Variants in TMEM267 observed in about 807,000 individuals in gnomAD.
The protein encoded by TMEM267 is transmembrane protein 267.
A neutral mutation model predicts 19.3 loss-of-function variants in TMEM267; 20 were observed. That is an observed-to-expected ratio of 1.04 (90% CI 0.73 to 1.51). The LOEUF (loss-of-function observed/expected upper bound fraction) is 1.51. Ranked by LOEUF, TMEM267 falls within the 40% of genes most tolerant of loss-of-function variation. The pLI is 0.00. For synonymous variants in TMEM267, 88 were observed against 90.3 expected (o/e 0.97, Z 0.15); for missense variants, 242 against 261.9 (o/e 0.92, Z 0.52).
At chr5:43,469,508 A>T (rs941285157) in intron 1 of TMEM267, among the ~76,000 whole-genome samples, 6 of 152,254 alleles carry the variant, frequency 3.9e-5, no homozygotes, top group African/African-American at 1.4e-4. Flanking sequence ...AAGGACACAA[A>T]CCATATGATC....
rs192390673 is a variant in TMEM267, at chr5:43,463,771, C to T, written c.-74-9728G>A. 8.7e-4 allele frequency among the ~76,000 whole-genome samples: 133 copies of T among 152,290 alleles called. 1 individual carries two copies. The highest frequency in any genetic ancestry group is 3.1e-3 in the African/African-American group (127 of 41,560). On this transcript the variant is annotated intron_variant, in intron 1 of 2. Transcript: ENST00000397080. ...ATTCAACAACTCTTCATGCTAAAAA[C>T]TCTCAATAAATTAGGTATCGATGGG... is the stretch of plus-strand genomic sequence containing the variant.
Position 43,460,762 on chromosome 5 carries a change from G to A in TMEM267, c.-74-6719C>T, listed in dbSNP as rs545115498. On this transcript the variant is annotated intron_variant, in intron 1 of 2. Transcript: ENST00000397080. Reference sequence around the variant, plus strand: ...AACTCAGTTGATGTCCAGCCACGGAGGGAGCATTTAAATTAGCCCAAGCCA... The same window carrying A: ...AACTCAGTTGATGTCCAGCCACGGAAGGAGCATTTAAATTAGCCCAAGCCA... Among the ~76,000 whole-genome samples, 11 of 152,326 alleles carry A rather than the reference G, an allele frequency of 7.2e-5. No individual in the cohort carries two copies. In the East Asian group the frequency reaches 1.4e-3, roughly 19 times the overall value.
intron 1 of TMEM267, among the ~76,000 whole-genome samples, chr5:43,465,141 G>T (rs1334202915): frequency 2.0e-5 from 3 of 152,160 alleles, no homozygotes; most frequent in African/African-American, 7.2e-5. Context: ...CCAAAAGTGG[G>T]CAAAGGATAT....
chr5:43,474,894 T>C (rs952858099), intron 1 of TMEM267, among the ~76,000 whole-genome samples: 1 of 151,946 alleles, frequency 6.6e-6, no homozygotes, highest in Non-Finnish European at 1.5e-5. Context: ...CTGGAGAGGA[T>C]GTGGAGAAAT....
intron 1 of TMEM267, among the ~76,000 whole-genome samples, chr5:43,464,754 T>A (rs1012940457): frequency 4.6e-5 from 7 of 152,236 alleles, no homozygotes; most frequent in African/African-American, 1.7e-4. Context: ...GCTAGCCATA[T>A]GTAGAAAGCT....
chr5:43,466,183 C>T (rs1418184320), intron 1 of TMEM267, among the ~76,000 whole-genome samples: 1 of 152,128 alleles, frequency 6.6e-6, no homozygotes, highest in East Asian at 1.9e-4. Context: ...CCAAAGAAGA[C>T]TACCTTAAGG....
intron 1 of TMEM267, among the ~76,000 whole-genome samples, chr5:43,475,710 G>A (rs888462443): frequency 2.6e-5 from 4 of 152,084 alleles, no homozygotes; most frequent in Non-Finnish European, 5.9e-5. Flanking sequence ...AGAACCAACA[G>A]AAAACTGTTG....
intron 2 of TMEM267, among the ~76,000 whole-genome samples, chr5:43,451,649 G>A (rs752268835): frequency 6.6e-6 from 1 of 152,128 alleles, no homozygotes; most frequent in Non-Finnish European, 1.5e-5. Context: ...CATTGTTGGT[G>A]GGAATATAAA....
intron 1 of TMEM267, among the ~76,000 whole-genome samples, chr5:43,471,589 A>C (rs1744077899): frequency 6.6e-6 from 1 of 152,180 alleles, no homozygotes; most frequent in Non-Finnish European, 1.5e-5. Flanking sequence ...TGACATAAAA[A>C]CAGACACATC....
intron 1 of TMEM267, among the ~76,000 whole-genome samples, chr5:43,462,561 C>T (rs1743331923): frequency 6.6e-6 from 1 of 152,090 alleles, no homozygotes; most frequent in African/African-American, 2.4e-5. Context: ...ATCCAGAAGT[C>T]TATCAGATAA....
chr5:43,453,548 G>GCTTT, intron 2 of TMEM267, 110 bp downstream of exon 2: 1 of 943,554 alleles, frequency 1.1e-6, no homozygotes, highest in African/African-American at 1.7e-5. Context: ...ACATGAATGT[G>GCTTT]CTTTCCTATT....
At chr5:43,473,492 A>G (rs979503242) in intron 1 of TMEM267, among the ~76,000 whole-genome samples, 1 of 152,196 alleles carries the variant, frequency 6.6e-6, no homozygotes, top group African/African-American at 2.4e-5. Flanking sequence ...ATCATGAGTG[A>G]ACTCCCATTC....
chr5:43,453,754 C>T lies in TMEM267; in HGVS notation c.216G>A (p.Lys72=). The change falls in exon 2 of 3, where the codon AAG becomes AAA. Residue 72 remains lysine (K), a synonymous_variant. Transcript: ENST00000397080. The part of the protein sequence containing the change: ...MWSWAVVTGI[K]KKTDFGEIIL... ...TGATTTCTCCAAAGTCAGTCTTCTT[C>T]TTGATTCCAGTGACTACCGCCCATG... 6.2e-7 allele frequency: 1 copy of T among 1,614,144 alleles called. No individual in the cohort carries two copies. The highest frequency in any genetic ancestry group is 8.5e-7 in the Non-Finnish European group (1 of 1,179,980).
In TMEM267 at chr5:43,446,390, C is replaced by A. The variant is rs1245204006; in HGVS notation, c.480G>T (p.Gly160=). 1 of 1,614,108 alleles carries A rather than the reference C, an allele frequency of 6.2e-7. No homozygotes were observed. The highest frequency in any genetic ancestry group is 2.2e-5 in the East Asian group (1 of 44,874). ...ISWTSHHIRD[G]IRHGLWICPF... is the part of the protein sequence containing the mutation. ...GGCATATCCACAAACCATGACGAAT[C>A]CCATCTCGGATATGATGTGAAGTCC... The change falls in exon 3 of 3, where the codon GGG becomes GGT. Residue 160 remains glycine, a synonymous_variant. Coordinates refer to ENST00000397080, the MANE Select transcript of TMEM267 (RefSeq NM_022483.5).
rs1233835827 is a variant in TMEM267 at position 43,445,931 on chromosome 5, T to A, written c.*291A>T. ...TTCCAGAAAATGAACTGGATGTTAA[T>A]CTAAAAGAACTACTAGTAAAGCCAG... On this transcript the variant is annotated 3_prime_UTR_variant, in exon 3 of 3. Coordinates refer to ENST00000397080, the MANE Select transcript of TMEM267 (RefSeq NM_022483.5). 1 of 170,692 alleles carries A rather than the reference T, an allele frequency of 5.9e-6. No homozygotes were observed. Among genetic ancestry groups the A allele is most frequent in the African/African-American group, 2.4e-5 (1 of 42,152 alleles). 10.6% of individuals were successfully genotyped at this position (170,692 alleles called of 1,614,324 possible).
chr5:43,464,069 C>T (rs1397703365), intron 1 of TMEM267, among the ~76,000 whole-genome samples: 2 of 152,074 alleles, frequency 1.3e-5, no homozygotes, highest in African/African-American at 4.8e-5. Flanking sequence ...TTGTCTCAGC[C>T]CAAAATCTCC....
chr5:43,464,379 C>T (rs1445064384), intron 1 of TMEM267, among the ~76,000 whole-genome samples: 4 of 152,120 alleles, frequency 2.6e-5, no homozygotes, highest in East Asian at 3.8e-4. Context: ...GGCCATACTG[C>T]CCAAGGTAAT....
At chr5:43,462,964 C>T (rs942110478) in intron 1 of TMEM267, among the ~76,000 whole-genome samples, 2 of 151,948 alleles carry the variant, frequency 1.3e-5, no homozygotes, top group Non-Finnish European at 2.9e-5. Context: ...GAAATAGAGA[C>T]ACAAAAAACT....
chr5:43,470,972 T>C (rs1744032347), intron 1 of TMEM267, among the ~76,000 whole-genome samples: 1 of 150,660 alleles, frequency 6.6e-6, no homozygotes, highest in East Asian at 2.0e-4. Context: ...AATAAAAAAA[T>C]ACAAAAGATC....
Sources: gnomAD v4.1 joint callset for allele counts (sites outside exome capture counted in the v4.1 genomes callset) on GRCh38, gnomAD v4.1.1 for gene constraint, MANE v1.5 for transcripts, NCBI Gene and HGNC (gene_info 2026-07-23, HGNC 2026-07-21) for gene names.